The following REPS2 variants were observed in gnomAD, a reference collection of about 807,000 sequenced individuals.
REPS2 encodes the protein RALBP1 associated Eps domain containing 2.
Under a neutral mutation model 53.6 loss-of-function variants are expected in REPS2, and 23 were observed. The observed-to-expected ratio is 0.43, with a 90% CI of 0.31 to 0.61. The LOEUF is 0.61. Among genes scored for constraint, REPS2 ranks in the 20% least tolerant of loss-of-function variants. The probability of loss-of-function intolerance (pLI) is 0.11; values close to 1 mark genes in which losing one functional copy is unlikely to be tolerated. For synonymous variants in REPS2, 238 were observed against 218.6 expected, an observed-to-expected ratio of 1.09 and a Z score of -0.78; for missense variants, 446 against 534.9, an observed-to-expected ratio of 0.83 and a Z score of 1.64.
At chrX:17,074,764 A>G (rs964226655) in intron 12 of REPS2, among the ~76,000 whole-genome samples, 7 of 111,783 alleles carry the variant, frequency 6.3e-5, no homozygotes, top group Non-Finnish European at 1.3e-4. Flanking sequence ...CAGAGACACT[A>G]ATAGAATTAA....
At chrX:17,100,388 T>C in intron 13 of REPS2, 2 of 437,800 alleles carry the variant, frequency 4.6e-6, no homozygotes, top group Non-Finnish European at 8.1e-6. Context: ...TGCTGCGCTA[T>C]TGGCGCATTG....
At chrX:17,069,800 G>A (rs1398054399) in intron 10 of REPS2, 140 bp from the exon 11 acceptor site, 7 of 337,983 alleles carry the variant, frequency 2.1e-5, no homozygotes, top group Non-Finnish European at 3.1e-5. Context: ...AACTTTTAGA[G>A]GTTTGTGAGA....
At chrX:16,957,999 A>G (rs1309967359) in intron 1 of REPS2, among the ~76,000 whole-genome samples, 1 of 112,177 alleles carries the variant, frequency 8.9e-6, no homozygotes, top group Non-Finnish European at 1.9e-5. Flanking sequence ...GTAGCAGCCA[A>G]CATTTGTTCA....
At chrX:17,143,066 A>G (rs2063467253) in intron 17 of REPS2, among the ~76,000 whole-genome samples, 1 of 112,111 alleles carries the variant, frequency 8.9e-6, no homozygotes, top group Admixed American at 9.4e-5. Context: ...CCAGTATCAA[A>G]AGGTTGTGTA....
At chrX:17,063,634 G>A (rs955464899) in intron 9 of REPS2, among the ~76,000 whole-genome samples, 2 of 112,010 alleles carry the variant, frequency 1.8e-5, no homozygotes, top group Admixed American at 9.5e-5. Flanking sequence ...TGACAGATGT[G>A]CATTTGAAGA....
the REPS2 span, among the ~76,000 whole-genome samples, chrX:17,185,870 A>T: frequency 9.0e-6 from 1 of 111,433 alleles, no homozygotes; most frequent in African/African-American, 3.3e-5. Context: ...TCTTCCAGCC[A>T]GGCCTTGGGA....
intron 1 of REPS2, among the ~76,000 whole-genome samples, chrX:17,000,284 G>C (rs1160260418): frequency 9.0e-6 from 1 of 111,076 alleles, no homozygotes; most frequent in Non-Finnish European, 1.9e-5. Context: ...TCTCATGGAA[G>C]TGTTCACTAT....
rs887536757 is a variant in REPS2, at chrX:17,047,619, A to T, written c.907+137A>T. On this transcript the variant is annotated intron_variant, in intron 6 of 17. Coordinates refer to ENST00000357277, the MANE Select transcript of REPS2 (RefSeq NM_004726.3). ...CATCTAAAGTCGAATTTCTTATCAG[A>T]TGTAAACCATGCAGAAGAAAAGTTG... The T allele has an allele frequency of 7.7e-6, 6 of 776,984 alleles. No homozygotes were observed. The Admixed American group carries it at 1.8e-4, about 23-fold the overall frequency. 64.0% of individuals were successfully genotyped at this position (776,984 alleles called of 1,213,427 possible).
chrX:17,013,651 TGTG>T (rs1249016848), intron 2 of REPS2, among the ~76,000 whole-genome samples: 47 of 110,111 alleles, frequency 4.3e-4, no homozygotes, highest in African/African-American at 1.5e-3. Flanking sequence ...TGTGTGTGTG[TGTG>T]TGTGTGTGTG....
intron 1 of REPS2, among the ~76,000 whole-genome samples, chrX:16,981,598 A>G (rs1349696486): frequency 1.8e-5 from 2 of 112,457 alleles, no homozygotes; most frequent in African/African-American, 6.5e-5. Context: ...CTTCAAATGC[A>G]TTTTTATTCC....
intron 13 of REPS2, among the ~76,000 whole-genome samples, chrX:17,101,864 C>T (rs752575359): frequency 5.2e-4 from 57 of 110,628 alleles, no homozygotes; most frequent in Non-Finnish European, 9.3e-4. Context: ...GTGGGTAAAT[C>T]TCTCTGTTAC....
chrX:17,043,510 C>A (rs114448827), intron 5 of REPS2, among the ~76,000 whole-genome samples: 10 of 109,004 alleles, frequency 9.2e-5, no homozygotes, highest in Admixed American at 4.9e-4. Context: ...TCTTGCCCCC[C>A]CCCCCGGCTT....
chrX:16,993,744 G>A (rs776954958), intron 1 of REPS2, among the ~76,000 whole-genome samples: 2 of 112,263 alleles, frequency 1.8e-5, no homozygotes, highest in Non-Finnish European at 3.8e-5. Context: ...GGGGTGGTGT[G>A]TTATACAGTA....
At chrX:16,966,300 C>A (rs909284888) in intron 1 of REPS2, among the ~76,000 whole-genome samples, 1 of 112,220 alleles carries the variant, frequency 8.9e-6, no homozygotes, top group Admixed American at 9.4e-5. Context: ...TTGAGAGACC[C>A]TCTTAAGAAA....
At chrX:17,083,441 A>G (rs890626546) in intron 13 of REPS2, among the ~76,000 whole-genome samples, 8 of 111,264 alleles carry the variant, frequency 7.2e-5, no homozygotes, top group Non-Finnish European at 1.5e-4. Flanking sequence ...TGCCTTTCCA[A>G]CACTGAGGAG....
At chrX:17,182,504 T>TA in the REPS2 span, among the ~76,000 whole-genome samples, 2,756 of 111,580 alleles carry the variant, frequency 0.025, 90 homozygotes, top group African/African-American at 0.085. Flanking sequence ...CTTATGTACA[T>TA]AATCCACAGT....
At chrX:17,004,864 T>G (rs2061344985) in intron 1 of REPS2, among the ~76,000 whole-genome samples, 1 of 8,534 alleles carries the variant, frequency 1.2e-4, no homozygotes, top group Non-Finnish European at 2.4e-4. Context: ...TACAATGTCT[T>G]TTTTTTTTTC....
chrX:17,035,571 A>G (rs2061755350), intron 5 of REPS2, among the ~76,000 whole-genome samples: 1 of 111,231 alleles, frequency 9.0e-6, no homozygotes, highest in South Asian at 3.8e-4. Flanking sequence ...TTACCAAGGC[A>G]TTACTTGGTA....
At chrX:17,182,136 ATCTG>A in the REPS2 span, among the ~76,000 whole-genome samples, 211 of 76,551 alleles carry the variant, frequency 2.8e-3, no homozygotes, top group African/African-American at 9.1e-3. Flanking sequence ...AGTGTGCTCT[ATCTG>A]TCTATCTATC....
Sources: gnomAD v4.1 joint callset for allele counts (sites outside exome capture counted in the v4.1 genomes callset) on GRCh38, gnomAD v4.1.1 for gene constraint, MANE v1.5 for transcripts, NCBI Gene and HGNC (gene_info 2026-07-23, HGNC 2026-07-21) for gene names.